The following RBFOX1 variants were observed in gnomAD, a reference collection of about 807,000 sequenced individuals.
The protein encoded by RBFOX1 is RNA binding protein fox-1 homolog 1.
A neutral mutation model predicts 57.7 loss-of-function variants in RBFOX1; 8 were observed. The ratio of observed to expected loss-of-function variants is 0.14; its 90% CI spans 0.08 to 0.25. The LOEUF (loss-of-function observed/expected upper bound fraction) is 0.25. Ranked by LOEUF, RBFOX1 falls within the 10% of genes least tolerant of loss-of-function variation. The pLI, the probability that RBFOX1 is intolerant of heterozygous loss-of-function variation, is 1.00. For synonymous variants in RBFOX1, 326 were observed against 222.4 expected, an observed-to-expected ratio of 1.47 and a Z score of -4.15; for missense variants, 611 against 548.5, an observed-to-expected ratio of 1.11 and a Z score of -1.14.
At chr16:6,788,201 C>A (rs1206841851) in intron 3 of RBFOX1, among the ~76,000 whole-genome samples, 1 of 151,970 alleles carries the variant, frequency 6.6e-6, no homozygotes, top group Non-Finnish European at 1.5e-5. Context: ...CAGCCTGCAA[C>A]AAAAGTGAAA....
At chr16:7,458,711 C>T (rs35254982) in intron 4 of RBFOX1, among the ~76,000 whole-genome samples, 1 of 151,928 alleles carries the variant, frequency 6.6e-6, no homozygotes, top group South Asian at 2.1e-4. Context: ...CACTCCCTCT[C>T]CTCCTTCTCA....
At chr16:5,395,962 C>T (rs1402335836) in intron 1 of RBFOX1, among the ~76,000 whole-genome samples, 2 of 152,140 alleles carry the variant, frequency 1.3e-5, no homozygotes, top group Admixed American at 6.5e-5. Flanking sequence ...AGATTTTTCC[C>T]CATTTAAGCC....
intron 4 of RBFOX1, among the ~76,000 whole-genome samples, chr16:7,410,776 A>G (rs1597740182): frequency 6.6e-6 from 1 of 151,902 alleles, no homozygotes. Context: ...TGATGCTCCT[A>G]ATTCCCACAG....
At chr16:6,174,785 T>G (rs569429752) in intron 1 of RBFOX1, among the ~76,000 whole-genome samples, 1 of 152,312 alleles carries the variant, frequency 6.6e-6, no homozygotes, top group South Asian at 2.1e-4. Context: ...TTGTGCTCCT[T>G]TTGCATCCTG....
intron 3 of RBFOX1, among the ~76,000 whole-genome samples, chr16:5,728,241 G>A (rs1395936803): frequency 5.3e-5 from 8 of 152,132 alleles, no homozygotes; most frequent in Non-Finnish European, 7.3e-5. Flanking sequence ...CAGAAAATGC[G>A]GTGTAGATAC....
intron 4 of RBFOX1, among the ~76,000 whole-genome samples, chr16:7,226,592 T>C (rs1277182719): frequency 6.6e-6 from 1 of 152,232 alleles, no homozygotes; most frequent in African/African-American, 2.4e-5. Context: ...CTGGGGGTTC[T>C]TTCCTGGAAC....
At chr16:6,255,644 A>G (rs2097656453) in intron 1 of RBFOX1, among the ~76,000 whole-genome samples, 1 of 152,142 alleles carries the variant, frequency 6.6e-6, no homozygotes, top group African/African-American at 2.4e-5. Flanking sequence ...CCTGTGGTCA[A>G]CCTGGAAGTA....
chr16:7,037,880 C>T (rs2044993516), intron 3 of RBFOX1, among the ~76,000 whole-genome samples: 1 of 152,126 alleles, frequency 6.6e-6, no homozygotes, highest in Non-Finnish European at 1.5e-5. Context: ...AAGGCCATGG[C>T]CTGTGTGTCT....
chr16:7,537,077 A>C (rs1003318622), intron 5 of RBFOX1, among the ~76,000 whole-genome samples: 1 of 152,212 alleles, frequency 6.6e-6, no homozygotes, highest in African/African-American at 2.4e-5. Flanking sequence ...GATTTTAAGC[A>C]GAAAGAATCC....
At chr16:5,697,375 G>A (rs1027686843) in intron 3 of RBFOX1, among the ~76,000 whole-genome samples, 4 of 150,858 alleles carry the variant, frequency 2.7e-5, no homozygotes, top group Non-Finnish European at 5.9e-5. Context: ...TGAATAATAT[G>A]TAGCATATAT....
intron 2 of RBFOX1, among the ~76,000 whole-genome samples, chr16:5,588,751 C>T (rs988152018): frequency 3.9e-5 from 6 of 152,006 alleles, no homozygotes; most frequent in East Asian, 1.9e-4. Flanking sequence ...GACTGAGGGT[C>T]GGGGGGAAAT....
chr16:7,138,684 T>C lies in RBFOX1; in HGVS notation c.27+86586T>C, dbSNP rs563388071. ...GGGATGGGGAGGACCTGCCTAATCA[T>C]CTACCTTCATCATCTCCCAGATATA... is the stretch of plus-strand genomic sequence containing the variant. On this transcript the variant is annotated intron_variant, in intron 4 of 15. Coordinates refer to ENST00000550418, the MANE Select transcript of RBFOX1 (RefSeq NM_018723.4). 2.0e-5 allele frequency among the ~76,000 whole-genome samples: 3 copies of C among 152,282 alleles called. No homozygotes were observed. In the South Asian group the frequency reaches 6.2e-4, roughly 32 times the overall value.
At chr16:7,258,284 A>G (rs1005650899) in intron 4 of RBFOX1, among the ~76,000 whole-genome samples, 1 of 152,154 alleles carries the variant, frequency 6.6e-6, no homozygotes, top group Non-Finnish European at 1.5e-5. Context: ...AGTCACTTTA[A>G]TTTATTCAGC....
chr16:7,521,953 C>T (rs763370833), intron 5 of RBFOX1, among the ~76,000 whole-genome samples: 3 of 152,172 alleles, frequency 2.0e-5, no homozygotes, highest in Non-Finnish European at 4.4e-5. Context: ...CAAGTTCAGG[C>T]TCCAGTCACC....
intron 3 of RBFOX1, among the ~76,000 whole-genome samples, chr16:5,800,619 A>G (rs947506331): frequency 3.9e-5 from 6 of 152,180 alleles, no homozygotes; most frequent in African/African-American, 1.4e-4. Flanking sequence ...CCAGTGACTC[A>G]GGGACACTTT....
intron 3 of RBFOX1, among the ~76,000 whole-genome samples, chr16:6,800,987 A>G (rs1297092690): frequency 1.3e-5 from 2 of 152,136 alleles, no homozygotes; most frequent in African/African-American, 4.8e-5. Flanking sequence ...AAATCAATAA[A>G]TGTTTGTTCA....
At chr16:7,208,322 G>A (rs981252706) in intron 4 of RBFOX1, among the ~76,000 whole-genome samples, 5 of 152,220 alleles carry the variant, frequency 3.3e-5, no homozygotes. Context: ...TTGTGTTTCA[G>A]TAAGGGAGTA....
At chr16:6,328,919 C>T (rs79815058) in intron 2 of RBFOX1, among the ~76,000 whole-genome samples, 2,368 of 152,120 alleles carry the variant, frequency 0.016, 54 homozygotes, top group African/African-American at 0.054. Flanking sequence ...AAATGAAAGA[C>T]AAGGATCCAA....
chr16:5,498,148 T>G (rs1008388639), intron 2 of RBFOX1, among the ~76,000 whole-genome samples: 2 of 152,144 alleles, frequency 1.3e-5, no homozygotes, highest in African/African-American at 2.4e-5. Context: ...TTTGTTTTTG[T>G]TTTTGTTTCT....
Sources: gnomAD v4.1 joint callset for allele counts (sites outside exome capture counted in the v4.1 genomes callset) on GRCh38, gnomAD v4.1.1 for gene constraint, MANE v1.5 for transcripts, NCBI Gene and HGNC (gene_info 2026-07-23, HGNC 2026-07-21) for gene names.